NCBP1: variants seen among roughly 807,000 people sequenced by gnomAD.
The protein encoded by NCBP1 is nuclear cap-binding protein subunit 1.
Under a neutral mutation model 111.7 loss-of-function variants are expected in NCBP1, and 16 were observed. The ratio of observed to expected loss-of-function variants is 0.14; its 90% CI spans 0.10 to 0.22. The LOEUF (loss-of-function observed/expected upper bound fraction) is 0.22. Among genes scored for constraint, NCBP1 ranks in the 10% least tolerant of loss-of-function variants. The pLI is 1.00. For synonymous variants in NCBP1, 304 were observed against 314.3 expected, an observed-to-expected ratio of 0.97 and a Z score of 0.35; for missense variants, 607 against 957.5, an observed-to-expected ratio of 0.63 and a Z score of 4.83.
intron 1 of NCBP1, 74 bp downstream of exon 1, chr9:97,633,989 G>T: frequency 7.0e-7 from 1 of 1,432,990 alleles, no homozygotes; most frequent in Non-Finnish European, 9.3e-7. Context: ...GGGTGTCCAC[G>T]GAAGAGACTG....
rs1283619847 is a variant in NCBP1, at chr9:97,647,865, A to G, written c.682-143A>G. 5.1e-6 allele frequency: 4 copies of G among 791,546 alleles called. No individual in the cohort carries two copies. The Admixed American group carries it at 1.2e-4, about 23-fold the overall frequency. The allele number at this position is 791,546 out of a possible 1,614,324, so 49.0% of individuals were successfully genotyped here. A position where few individuals can be genotyped will look rare whatever the true frequency, so the allele number is the denominator to read the frequency against. On this transcript the variant is annotated intron_variant, in intron 7 of 22. Transcript: ENST00000375147. ...CAGGTAGACTTTGTAAGTAAAATAA[A>G]AACAAAAACTTAGCACCTTTTTTTG... is the stretch of plus-strand genomic sequence containing the variant.
intron 1 of NCBP1, among the ~76,000 whole-genome samples, 158 bp downstream of exon 1, chr9:97,634,073 C>T (rs1826917513): frequency 6.6e-6 from 1 of 152,182 alleles, no homozygotes; most frequent in Admixed American, 6.5e-5. Flanking sequence ...TGTGGTCGGG[C>T]GGCTTCTAGA....
Position 97,662,139 on chromosome 9 carries a change from T to G in NCBP1, c.1698T>G (p.Leu566=), listed in dbSNP as rs1827857930. The G allele has an allele frequency of 1.9e-6, 3 of 1,610,518 alleles. No individual in the cohort carries two copies. The highest frequency in any genetic ancestry group is 2.7e-5 in the African/African-American group (2 of 74,996). Residue 566 remains leucine (L), a synonymous_variant, in exon 17 of 23, where the codon CTT becomes CTG. Transcript: ENST00000375147. ...AKSFSHSFSA[L]AKFHEVFKTL... is the part of the protein sequence containing the mutation. ...CATTCAGCCACTCCTTCAGTGCTCT[T>G]GCAAAGTATGTATGAGTACAGAGCC...
intron 5 of NCBP1, among the ~76,000 whole-genome samples, 189 bp downstream of exon 5, chr9:97,645,413 C>T (rs541555071): frequency 6.6e-6 from 1 of 152,148 alleles, no homozygotes; most frequent in South Asian, 2.1e-4. Flanking sequence ...GGTGGGTTCT[C>T]ATAATATCTG....
chr9:97,668,769 A>G, intron 20 of NCBP1, 77 bp from the exon 21 acceptor site: 13 of 1,495,362 alleles, frequency 8.7e-6, no homozygotes, highest in Non-Finnish European at 1.2e-5. Context: ...CAGACACAGT[A>G]AAATGCTTCC....
intron 1 of NCBP1, among the ~76,000 whole-genome samples, chr9:97,638,253 A>AT (rs1359581085): frequency 6.6e-6 from 1 of 152,152 alleles, no homozygotes; most frequent in African/African-American, 2.4e-5. Context: ...TTACCTCTTA[A>AT]TACTTTCTGC....
intron 1 of NCBP1, among the ~76,000 whole-genome samples, 167 bp downstream of exon 1, chr9:97,634,082 G>A (rs912158966): frequency 6.6e-6 from 1 of 152,236 alleles, no homozygotes; most frequent in Non-Finnish European, 1.5e-5. Flanking sequence ...GCGGCTTCTA[G>A]AAAGCGACTT....
intron 2 of NCBP1, 75 bp from the exon 3 acceptor site, chr9:97,641,487 C>A: frequency 1.8e-6 from 2 of 1,116,134 alleles, no homozygotes; most frequent in Non-Finnish European, 2.4e-6. Context: ...TATATATTTA[C>A]ATTTAAATAG....
At chr9:97,644,989 A>G (rs2131337891) in intron 4 of NCBP1, 128 bp from the exon 5 acceptor site, 1 of 556,058 alleles carries the variant, frequency 1.8e-6, no homozygotes, top group Non-Finnish European at 3.2e-6. Flanking sequence ...AAAAACAGGT[A>G]GTAGGCTAGA....
intron 11 of NCBP1, 134 bp from the exon 12 acceptor site, chr9:97,654,744 CAA>C (rs911870398): frequency 1.5e-5 from 12 of 797,302 alleles, no homozygotes; most frequent in African/African-American, 8.7e-5. Flanking sequence ...AAAACAAAAA[CAA>C]GATTGATTGT....
chr9:97,641,993 CCAGA>C (rs1396146263), intron 3 of NCBP1, among the ~76,000 whole-genome samples: 1 of 151,864 alleles, frequency 6.6e-6, no homozygotes, highest in Non-Finnish European at 1.5e-5. Flanking sequence ...TAAATTAGTA[CCAGA>C]CAAATTTGGG....
intron 3 of NCBP1, among the ~76,000 whole-genome samples, chr9:97,642,913 C>T (rs1445987904): frequency 2.0e-5 from 3 of 152,070 alleles, no homozygotes; most frequent in Non-Finnish European, 4.4e-5. Context: ...ACTAAGCACA[C>T]TTGAAGAAAA....
rs377142866 is a variant in NCBP1, at chr9:97,648,176, A to G, written c.850A>G (p.Met284Val). 13 of 1,614,076 alleles carry G rather than the reference A, an allele frequency of 8.1e-6. No homozygotes were observed. Among genetic ancestry groups the G allele is most frequent in the East Asian group, 6.7e-5 (3 of 44,872 alleles). Residue 284 changes from methionine to valine, a missense_variant, in exon 8 of 23, where the codon ATG becomes GTG. Met to Val is a conservative substitution (Grantham distance 21, BLOSUM62 1). This residue lies in a region of NCBP1 where 53 missense variants were observed against 144.8 expected (regional missense o/e 0.37). Coordinates refer to ENST00000375147, the MANE Select transcript of NCBP1 (RefSeq NM_002486.5). ...TCACACTGAAGATTCAGTGTACCCA[A>G]TGCCAAGGGTCATCTTCAGAATGTT... ...PPHTEDSVYPMPRVIFRMFDY... is the reference protein window; with the variant it reads ...PPHTEDSVYPVPRVIFRMFDY...
intron 11 of NCBP1, 137 bp downstream of exon 11, chr9:97,654,045 T>C (rs1827571924): frequency 3.2e-6 from 2 of 619,506 alleles, no homozygotes; most frequent in Non-Finnish European, 5.5e-6. Context: ...GTATTACATG[T>C]ATGTACTTGT....
chr9:97,651,023 G>A (rs946032719), intron 9 of NCBP1, among the ~76,000 whole-genome samples: 5 of 151,988 alleles, frequency 3.3e-5, no homozygotes, highest in African/African-American at 1.2e-4. Flanking sequence ...TATTATGAGA[G>A]TGATCTACTC....
chr9:97,636,464 A>G (rs116001262), intron 1 of NCBP1, among the ~76,000 whole-genome samples: 13,789 of 146,428 alleles, frequency 0.094, 2,200 homozygotes, highest in African/African-American at 0.32. Flanking sequence ...CTATAATAGA[A>G]TGTATTATAT....
At chr9:97,658,485 T>C (rs1255807288) in intron 14 of NCBP1, among the ~76,000 whole-genome samples, 155 bp from the exon 15 acceptor site, 1 of 152,238 alleles carries the variant, frequency 6.6e-6, no homozygotes, top group Non-Finnish European at 1.5e-5. Context: ...TGTGCTGGCT[T>C]AGACAAAAAC....
rs1329526015 is a variant in NCBP1, at chr9:97,672,218, TAG to T, written c.*1021_*1022del. The T allele has an allele frequency of 6.6e-6, 1 of 152,210 alleles. No individual in the cohort carries two copies. The highest frequency in any genetic ancestry group is 1.5e-5 in the Non-Finnish European group (1 of 68,030). The allele number at this position is 152,210 out of a possible 1,614,324, so 9.4% of individuals were successfully genotyped here. A position where few individuals can be genotyped will look rare whatever the true frequency, so the allele number is the denominator to read the frequency against. ...TGACATTCCAAATTTCGAGGATTTT[TAG>T]ACTTTTTTCATTAAACCTTAGAAAA... On this transcript the variant is annotated 3_prime_UTR_variant, in exon 23 of 23. Transcript: ENST00000375147.
Position 97,647,503 on chromosome 9 carries a change from A to G in NCBP1, c.623A>G (p.Lys208Arg). The change falls in exon 7 of 23, where the codon AAG becomes AGG. Residue 208 changes from lysine to arginine, a missense_variant. By Grantham distance (26) the Lys-to-Arg change is conservative. Coordinates refer to ENST00000375147, the MANE Select transcript of NCBP1 (RefSeq NM_002486.5). Reference sequence around the variant, plus strand: ...ATTTTTATCTTTAGAAGACGCCAAAAGACTCATGTACCCATGTTACAGGTA... The same window carrying G: ...ATTTTTATCTTTAGAAGACGCCAAAGGACTCATGTACCCATGTTACAGGTA... ...NTESYLKRRQ[K>R]THVPMLQVWT... 1 of 1,612,570 alleles carries G rather than the reference A, an allele frequency of 6.2e-7. No individual in the cohort carries two copies. The highest frequency in any genetic ancestry group is 1.1e-5 in the South Asian group (1 of 90,946).
Sources: allele counts gnomAD v4.1 joint callset (sites outside exome capture counted in the v4.1 genomes callset), GRCh38; gene constraint gnomAD v4.1.1; regional missense constraint gnomAD v4.1.1; transcripts MANE v1.5; gene names NCBI Gene and HGNC (gene_info 2026-07-23, HGNC 2026-07-21).